The following ABI3BP variants were observed in gnomAD, a reference collection of about 807,000 sequenced individuals.
The protein encoded by ABI3BP is ABI family member 3 binding protein.
ABI3BP carries 216 observed loss-of-function variants against 268.6 expected under a neutral mutation model. That is an observed-to-expected ratio of 0.80 (90% CI 0.72 to 0.90). The LOEUF is 0.90. Ranked by LOEUF, ABI3BP falls within the 40% of genes least tolerant of loss-of-function variation. The pLI, the probability that ABI3BP is intolerant of heterozygous loss-of-function variation, is 0.00. For synonymous variants in ABI3BP, 730 were observed against 730.0 expected, an observed-to-expected ratio of 1.00 and a Z score of 0.00; for missense variants, 2,090 against 2,182.4, an observed-to-expected ratio of 0.96 and a Z score of 0.84.
chr3:100,822,783 T>G (rs1015995486), intron 37 of ABI3BP, 111 bp from the exon 38 acceptor site: 6 of 892,446 alleles, frequency 6.7e-6, no homozygotes, highest in African/African-American at 6.6e-5. Context: ...TGCCTTTTAG[T>G]TCGAGATTTT....
intron 32 of ABI3BP, 94 bp downstream of exon 32, chr3:100,830,484 C>T: frequency 9.5e-7 from 1 of 1,054,086 alleles, no homozygotes; most frequent in Non-Finnish European, 1.4e-6. Flanking sequence ...ACACAGAAGC[C>T]TTGTGAAGCG....
chr3:100,826,842 G>T (rs1438714623), intron 34 of ABI3BP, among the ~76,000 whole-genome samples: 3 of 152,066 alleles, frequency 2.0e-5, no homozygotes, highest in African/African-American at 7.2e-5. Context: ...AAAGACTTTT[G>T]ATGCTCATGA....
chr3:100,964,350 T>A (rs1301121015), intron 1 of ABI3BP, among the ~76,000 whole-genome samples: 1 of 152,168 alleles, frequency 6.6e-6, no homozygotes, highest in Non-Finnish European at 1.5e-5. Context: ...ATCAAACTAA[T>A]ATGTGAGCCC....
chr3:100,925,971 G>T (rs1466062305), intron 2 of ABI3BP, among the ~76,000 whole-genome samples: 2 of 151,812 alleles, frequency 1.3e-5, no homozygotes, highest in African/African-American at 4.8e-5. Flanking sequence ...ACTATCAAAA[G>T]ATAGTAAGGT....
At chr3:100,958,354 C>T (rs1216060251) in intron 1 of ABI3BP, among the ~76,000 whole-genome samples, 3 of 152,256 alleles carry the variant, frequency 2.0e-5, no homozygotes, top group East Asian at 1.9e-4. Flanking sequence ...TCCTTTGCTG[C>T]CTTGCTTCAT....
chr3:100,917,349 G>C lies in ABI3BP; in HGVS notation c.259+8953C>G, dbSNP rs2058923646. On this transcript the variant is annotated intron_variant, in intron 2 of 67. Coordinates refer to ENST00000471714, the MANE Select transcript of ABI3BP (RefSeq NM_001375547.2). Reference sequence around the variant, plus strand: ...TGGTATGACCCACATGTGTCAGAGAGCACTGAATTTCCATGGAATGTAAAA... The same window carrying C: ...TGGTATGACCCACATGTGTCAGAGACCACTGAATTTCCATGGAATGTAAAA... Among the ~76,000 whole-genome samples, 6 of 152,034 alleles carry C rather than the reference G, an allele frequency of 3.9e-5. No homozygotes were observed. In the South Asian group the frequency reaches 1.2e-3, roughly 32 times the overall value.
chr3:100,947,330 C>T (rs562049954), intron 1 of ABI3BP, among the ~76,000 whole-genome samples: 2 of 152,156 alleles, frequency 1.3e-5, no homozygotes, highest in South Asian at 2.1e-4. Flanking sequence ...GTGGCCCAAG[C>T]TTAAGACTAG....
chr3:100,808,504 A>G (rs1251735023), intron 49 of ABI3BP, among the ~76,000 whole-genome samples: 1 of 152,122 alleles, frequency 6.6e-6, no homozygotes, highest in Middle Eastern at 3.2e-3. Context: ...CCTTCTAAAT[A>G]GTTTGAAAAT....
At chr3:100,912,546 A>G (rs2057118292) in intron 2 of ABI3BP, among the ~76,000 whole-genome samples, 1 of 152,130 alleles carries the variant, frequency 6.6e-6, no homozygotes, top group Non-Finnish European at 1.5e-5. Context: ...TCACCCACAG[A>G]ATTAAAAAAA....
chr3:100,957,183 T>C, intron 1 of ABI3BP, among the ~76,000 whole-genome samples: 1 of 152,172 alleles, frequency 6.6e-6, no homozygotes, highest in Non-Finnish European at 1.5e-5. Flanking sequence ...TGGGAGATAA[T>C]TTGAGTAAGA....
intron 22 of ABI3BP, 101 bp downstream of exon 22, chr3:100,840,719 A>G: frequency 1.9e-6 from 2 of 1,057,814 alleles, no homozygotes; most frequent in Non-Finnish European, 2.7e-6. Flanking sequence ...ACACACACAA[A>G]GGGACATTAA....
intron 1 of ABI3BP, among the ~76,000 whole-genome samples, chr3:100,992,152 C>G (rs1900908): frequency 1.3e-4 from 20 of 151,874 alleles, no homozygotes; most frequent in African/African-American, 4.8e-4. Flanking sequence ...ATTATTTGAT[C>G]AGAGTTGAGA....
chr3:100,918,306 A>G (rs868474816), intron 2 of ABI3BP, among the ~76,000 whole-genome samples: 3 of 139,402 alleles, frequency 2.2e-5, no homozygotes, highest in South Asian at 2.3e-4. Flanking sequence ...CCATCCACCC[A>G]TCCACCCGTC....
intron 1 of ABI3BP, among the ~76,000 whole-genome samples, chr3:100,951,535 C>G (rs915975084): frequency 2.0e-5 from 3 of 151,916 alleles, no homozygotes; most frequent in African/African-American, 7.3e-5. Flanking sequence ...GTCCTACAAG[C>G]TTTGTGAACC....
At chr3:100,969,389 C>A (rs910126659) in intron 1 of ABI3BP, among the ~76,000 whole-genome samples, 1 of 152,174 alleles carries the variant, frequency 6.6e-6, no homozygotes, top group Non-Finnish European at 1.5e-5. Flanking sequence ...CCTACCAATC[C>A]GGCCCCACAT....
chr3:100,962,998 C>T (rs969463729), intron 1 of ABI3BP, among the ~76,000 whole-genome samples: 1 of 152,258 alleles, frequency 6.6e-6, no homozygotes, highest in African/African-American at 2.4e-5. Flanking sequence ...TAATTTTTGG[C>T]CCTACATCTG....
chr3:100,804,908 A>G (rs1188656938), intron 50 of ABI3BP, 42 bp from the exon 51 acceptor site: 2 of 1,519,754 alleles, frequency 1.3e-6, no homozygotes, highest in East Asian at 2.3e-5. Flanking sequence ...TGGTTTCAGC[A>G]TCTTCCAGTC....
At chr3:100,754,867 A>C (rs144806422) in intron 63 of ABI3BP, among the ~76,000 whole-genome samples, 176 bp from the exon 64 acceptor site, 163 of 152,336 alleles carry the variant, frequency 1.1e-3, no homozygotes, top group African/African-American at 3.7e-3. Context: ...TAGTTTTACT[A>C]TCTGAACAGC....
At chr3:100,753,100 A>G (rs2149259549) in intron 65 of ABI3BP, among the ~76,000 whole-genome samples, 152 bp from the exon 66 acceptor site, 1 of 152,332 alleles carries the variant, frequency 6.6e-6, no homozygotes, top group Admixed American at 6.5e-5. Flanking sequence ...TTAAACAAGT[A>G]AACCCCAGAG....
Sources: gnomAD v4.1 joint callset for allele counts (sites outside exome capture counted in the v4.1 genomes callset) on GRCh38, gnomAD v4.1.1 for gene constraint, MANE v1.5 for transcripts, NCBI Gene and HGNC (gene_info 2026-07-23, HGNC 2026-07-21) for gene names.